Variants in ITFG1 observed in about 807,000 individuals in gnomAD.
The protein encoded by ITFG1 is T-cell immunomodulatory protein.
In ITFG1, 34 loss-of-function variants were observed where a neutral mutation model predicts 81.8. That is an observed-to-expected ratio of 0.42 (90% CI 0.32 to 0.55). The LOEUF is 0.55. Ranked by LOEUF, ITFG1 falls within the 20% of genes least tolerant of loss-of-function variation. ITFG1 has a pLI of 0.17. For missense variants in ITFG1, 672 were observed against 755.4 expected, an observed-to-expected ratio of 0.89 and a Z score of 1.29; for synonymous variants, 285 against 270.6, an observed-to-expected ratio of 1.05 and a Z score of -0.52.
At chr16:47,248,584 T>C (rs953892081) in intron 12 of ITFG1, among the ~76,000 whole-genome samples, 7 of 152,006 alleles carry the variant, frequency 4.6e-5, no homozygotes, top group Non-Finnish European at 8.8e-5. Flanking sequence ...TTATTTAAAG[T>C]AGTCTATTAA....
At chr16:47,274,149 C>T (rs1000770250) in intron 10 of ITFG1, among the ~76,000 whole-genome samples, 14 of 151,362 alleles carry the variant, frequency 9.2e-5, no homozygotes, top group South Asian at 2.1e-4. Flanking sequence ...CCCAACTACT[C>T]GGGAGGCTGA....
At chr16:47,439,341 A>G (rs1200450820) in intron 5 of ITFG1, among the ~76,000 whole-genome samples, 1 of 152,204 alleles carries the variant, frequency 6.6e-6, no homozygotes, top group Non-Finnish European at 1.5e-5. Flanking sequence ...AGAACACCAC[A>G]AAGATACTCC....
At chr16:47,434,034 C>CT (rs1032490623) in intron 5 of ITFG1, among the ~76,000 whole-genome samples, 1 of 150,650 alleles carries the variant, frequency 6.6e-6, no homozygotes, top group Non-Finnish European at 1.5e-5. Context: ...AGACCCCTTC[C>CT]TTACACCACA....
intron 5 of ITFG1, among the ~76,000 whole-genome samples, chr16:47,435,248 AC>A (rs1969150856): frequency 6.6e-6 from 1 of 152,194 alleles, no homozygotes; most frequent in Admixed American, 6.5e-5. Context: ...AAAAGCAGAT[AC>A]CATATTTTTC....
chr16:47,412,122 A>G (rs916397203), intron 6 of ITFG1, among the ~76,000 whole-genome samples: 5 of 152,170 alleles, frequency 3.3e-5, no homozygotes, highest in African/African-American at 1.2e-4. Flanking sequence ...CATCCAAACA[A>G]CAGCAAATTC....
At chr16:47,348,357 A>G (rs1967891981) in intron 8 of ITFG1, among the ~76,000 whole-genome samples, 2 of 152,242 alleles carry the variant, frequency 1.3e-5, no homozygotes, top group Non-Finnish European at 2.9e-5. Context: ...AATGCAGAGA[A>G]GTCCTTAAAG....
At chr16:47,451,985 A>G (rs1969395305) in intron 4 of ITFG1, among the ~76,000 whole-genome samples, 1 of 152,222 alleles carries the variant, frequency 6.6e-6, no homozygotes, top group South Asian at 2.1e-4. Context: ...AATAACCTAG[A>G]AAAATAATCC....
chr16:47,275,561 C>A (rs940597978), intron 10 of ITFG1, among the ~76,000 whole-genome samples: 7 of 151,982 alleles, frequency 4.6e-5, no homozygotes, highest in African/African-American at 1.7e-4. Flanking sequence ...TGTAGGAGAT[C>A]AATATATAAT....
chr16:47,168,008 TG>T (rs1964914870), intron 14 of ITFG1, among the ~76,000 whole-genome samples: 1 of 152,248 alleles, frequency 6.6e-6, no homozygotes, highest in Non-Finnish European at 1.5e-5. Context: ...ACTGCCATAT[TG>T]TTTTTCACAG....
intron 12 of ITFG1, among the ~76,000 whole-genome samples, chr16:47,243,962 C>T (rs926323797): frequency 3.3e-5 from 5 of 152,132 alleles, no homozygotes; most frequent in Admixed American, 1.3e-4. Flanking sequence ...ACCTGGGAGG[C>T]GGAAGTTGCA....
intron 5 of ITFG1, among the ~76,000 whole-genome samples, chr16:47,440,401 C>A (rs1323724508): frequency 6.6e-6 from 1 of 152,172 alleles, no homozygotes; most frequent in Admixed American, 6.5e-5. Flanking sequence ...CAGCATCACA[C>A]CACACATATT....
At chr16:47,228,978 A>C (rs534998195) in intron 13 of ITFG1, among the ~76,000 whole-genome samples, 1 of 152,180 alleles carries the variant, frequency 6.6e-6, no homozygotes, top group Non-Finnish European at 1.5e-5. Flanking sequence ...GGGGTGAGAG[A>C]TGTGATGGTA....
intron 10 of ITFG1, among the ~76,000 whole-genome samples, chr16:47,284,115 G>A (rs1013768339): frequency 1.3e-5 from 2 of 152,128 alleles, no homozygotes; most frequent in Non-Finnish European, 2.9e-5. Context: ...AGAAGTGTGA[G>A]GTTTTCTTTT....
intron 10 of ITFG1, among the ~76,000 whole-genome samples, chr16:47,289,639 GTTGT>G (rs1966885420): frequency 6.6e-6 from 1 of 151,986 alleles, no homozygotes; most frequent in South Asian, 2.1e-4. Context: ...TTGGCATATA[GTTGT>G]TTGTAATAGT....
chr16:47,419,542 G>A (rs1968916473), intron 6 of ITFG1, among the ~76,000 whole-genome samples: 1 of 151,412 alleles, frequency 6.6e-6, no homozygotes, highest in Non-Finnish European at 1.5e-5. Flanking sequence ...AAACTGCTGG[G>A]ATTATAGGCG....
chr16:47,218,952 A>G lies in ITFG1; in HGVS notation c.1375-6T>C. The G allele has an allele frequency of 6.4e-7, 1 of 1,564,728 alleles. No homozygotes were observed. Among genetic ancestry groups the G allele is most frequent in the Non-Finnish European group, 8.7e-7 (1 of 1,153,806 alleles). On this transcript the variant is annotated splice_polypyrimidine_tract_variant and splice_region_variant and intron_variant, in intron 13 of 17. Coordinates refer to ENST00000320640, the MANE Select transcript of ITFG1 (RefSeq NM_030790.5). Reference sequence around the variant, plus strand: ...GGTTGATTCACTCCAAAGGGCTGCAATAGAAAAAAAAAATAGTTAAGGCTT... The same window carrying G: ...GGTTGATTCACTCCAAAGGGCTGCAGTAGAAAAAAAAAATAGTTAAGGCTT...
chr16:47,323,607 C>G (rs537343410), intron 8 of ITFG1, among the ~76,000 whole-genome samples: 1 of 152,300 alleles, frequency 6.6e-6, no homozygotes, highest in Non-Finnish European at 1.5e-5. Context: ...AAGACAACTA[C>G]TATACCTTGA....
chr16:47,420,173 T>C (rs1968926683), intron 6 of ITFG1, among the ~76,000 whole-genome samples: 1 of 152,224 alleles, frequency 6.6e-6, no homozygotes, highest in Non-Finnish European at 1.5e-5. Context: ...CATTGATTTC[T>C]AGTTGTATTC....
At chr16:47,276,226 C>A (rs1355771015) in intron 10 of ITFG1, among the ~76,000 whole-genome samples, 10 of 151,838 alleles carry the variant, frequency 6.6e-5, no homozygotes, top group African/African-American at 2.4e-4. Context: ...ATACCAAAAT[C>A]AATAGCCTCC....
Sources: gnomAD v4.1 joint callset for allele counts (sites outside exome capture counted in the v4.1 genomes callset) on GRCh38, gnomAD v4.1.1 for gene constraint, MANE v1.5 for transcripts, NCBI Gene and HGNC (gene_info 2026-07-23, HGNC 2026-07-21) for gene names.